Variants in TFEC observed in about 807,000 individuals in gnomAD.
The protein encoded by TFEC is class E basic helix-loop-helix protein 34.
Under a neutral mutation model 41.6 loss-of-function variants are expected in TFEC, and 31 were observed. The ratio of observed to expected loss-of-function variants is 0.74; its 90% confidence interval spans 0.56 to 1.01. TFEC has a LOEUF of 1.01. Ranked by LOEUF, TFEC falls within the 50% of genes least tolerant of loss-of-function variation. The probability of loss-of-function intolerance (pLI) is 0.00; values close to 1 mark genes in which losing one functional copy is unlikely to be tolerated. For missense variants in TFEC, 402 were observed against 404.1 expected, an observed-to-expected ratio of 0.99 and a Z score of 0.04; for synonymous variants, 143 against 140.6, an observed-to-expected ratio of 1.02 and a Z score of -0.12.
intron 1 of TFEC, among the ~76,000 whole-genome samples, chr7:116,000,007 A>G (rs917222555): frequency 6.6e-6 from 1 of 152,112 alleles, no homozygotes; most frequent in African/African-American, 2.4e-5. Context: ...CCAGACAAAG[A>G]CATATCAATA....
intron 1 of TFEC, among the ~76,000 whole-genome samples, chr7:116,132,228 C>A (rs1798347427): frequency 6.6e-6 from 1 of 152,138 alleles, no homozygotes; most frequent in East Asian, 1.9e-4. Flanking sequence ...CAAAATTACT[C>A]ATGGAAATCC....
chr7:115,988,143 T>C (rs1190071087), intron 1 of TFEC, among the ~76,000 whole-genome samples: 1 of 152,180 alleles, frequency 6.6e-6, no homozygotes, highest in African/African-American at 2.4e-5. Flanking sequence ...AAGTTTCTTT[T>C]ACATCCAGTA....
chr7:116,041,755 T>C (rs1796042530), intron 3 of TFEC, among the ~76,000 whole-genome samples: 1 of 152,194 alleles, frequency 6.6e-6, no homozygotes, highest in South Asian at 2.1e-4. Context: ...TTTATAATCC[T>C]TGTGATGCTC....
intron 3 of TFEC, among the ~76,000 whole-genome samples, chr7:116,076,549 T>A (rs1001180735): frequency 6.6e-6 from 1 of 151,716 alleles, no homozygotes; most frequent in Non-Finnish European, 1.5e-5. Flanking sequence ...AAGGGAAAAA[T>A]CTTCAGTGAA....
intron 1 of TFEC, among the ~76,000 whole-genome samples, chr7:116,112,608 G>C (rs900706578): frequency 4.1e-4 from 63 of 152,020 alleles, no homozygotes; most frequent in African/African-American, 1.2e-3. Context: ...AACTGGAAAG[G>C]GAAGATGTTT....
intron 2 of TFEC, among the ~76,000 whole-genome samples, chr7:115,978,763 C>T (rs1793496307): frequency 6.6e-6 from 1 of 151,906 alleles, no homozygotes; most frequent in Admixed American, 6.6e-5. Flanking sequence ...TGAATCACTC[C>T]CTCCTTCTCT....
intron 1 of TFEC, among the ~76,000 whole-genome samples, chr7:115,988,948 T>G (rs1793979188): frequency 6.6e-6 from 1 of 152,120 alleles, no homozygotes; most frequent in Admixed American, 6.5e-5. Context: ...AGAGAGGAAT[T>G]AAATACTTAA....
chr7:116,069,687 A>G (rs191800618), intron 3 of TFEC, among the ~76,000 whole-genome samples: 9 of 151,738 alleles, frequency 5.9e-5, no homozygotes, highest in Non-Finnish European at 1.5e-5. Flanking sequence ...TCAGTAGTTG[A>G]GCAATCTTCC....
intron 1 of TFEC, among the ~76,000 whole-genome samples, chr7:116,011,229 C>G (rs757724494): frequency 1.2e-4 from 18 of 152,030 alleles, no homozygotes; most frequent in Non-Finnish European, 7.4e-5. Context: ...TTGATAACTC[C>G]AAAACACATC....
At chr7:116,141,002 C>G (rs61487707) in intron 1 of TFEC, among the ~76,000 whole-genome samples, 55,105 of 151,996 alleles carry the variant, frequency 0.36, 10,219 homozygotes, top group East Asian at 0.59. Context: ...ATCAAGCCCT[C>G]TAGGAGACTT....
Position 115,980,703 on chromosome 7 carries a change from T to C in TFEC, c.180+3559A>G, listed in dbSNP as rs186779964. ...TGGTGGAAGTTACAGTGAGCCAAGA[T>C]TGTGCCACTGCACTCCAGCCTGGGC... On this transcript the variant is annotated intron_variant, in intron 2 of 7. Transcript: ENST00000265440. Among the ~76,000 whole-genome samples the C allele has an allele frequency of 6.5e-3, 993 of 152,150 alleles. 10 individuals are homozygous for C. Among genetic ancestry groups the C allele is most frequent in the Non-Finnish European group, 8.5e-3 (577 of 67,984 alleles).
chr7:116,148,814 A>T (rs947138128), intron 1 of TFEC, among the ~76,000 whole-genome samples: 1 of 152,104 alleles, frequency 6.6e-6, no homozygotes, highest in African/African-American at 2.4e-5. Flanking sequence ...TTTTCACTAT[A>T]GATGTAAATC....
chr7:116,159,019 TTG>T (rs1798923735), intron 1 of TFEC, among the ~76,000 whole-genome samples: 1 of 151,886 alleles, frequency 6.6e-6, no homozygotes, highest in African/African-American at 2.4e-5. Flanking sequence ...TTTGAATAAC[TTG>T]TGTTTTATAC....
intron 3 of TFEC, among the ~76,000 whole-genome samples, chr7:116,102,942 A>G (rs982132338): frequency 2.0e-5 from 3 of 152,190 alleles, no homozygotes; most frequent in Non-Finnish European, 2.9e-5. Flanking sequence ...AGTCAAAAGC[A>G]AAGAAATCCA....
At position 116,091,861 on chromosome 7, in the gene TFEC, T is replaced by TA. The variant is rs34479523; in HGVS notation, c.198+18846dup. ...GCCAAAAACAATTTGATAATTACGCTAAAAAAAAAAGGAAAAAGAAGTAGT... is the reference window on the plus strand; with the variant it reads ...GCCAAAAACAATTTGATAATTACGCTAAAAAAAAAAAGGAAAAAGAAGTAGT... On this transcript the variant is annotated intron_variant, in intron 3 of 8. Coordinates refer to the TFEC transcript ENST00000484212. Among the ~76,000 whole-genome samples the TA allele has an allele frequency of 2.2e-3, 325 of 147,050 alleles. 1 individual carries two copies. Among genetic ancestry groups the TA allele is most frequent in the Middle Eastern group, 0.014 (4 of 290 alleles).
chr7:115,939,154 T>C lies in TFEC; in HGVS notation c.*1397A>G, dbSNP rs931628747. 2.0e-5 allele frequency: 3 copies of C among 152,020 alleles called. No homozygotes were observed. The highest frequency in any genetic ancestry group is 6.6e-5 in the Admixed American group (1 of 15,244). The allele number at this position is 152,020 out of a possible 1,614,324, so 9.4% of individuals were successfully genotyped here. A position where few individuals can be genotyped will look rare whatever the true frequency, so the allele number is the denominator to read the frequency against. Reference sequence around the variant, plus strand: ...ATATGTCTTCTATCTTTTGTTTTTGTTTTTCATGCATTCTCATTAACTACC... The same window carrying C: ...ATATGTCTTCTATCTTTTGTTTTTGCTTTTCATGCATTCTCATTAACTACC... On this transcript the variant is annotated 3_prime_UTR_variant, in exon 8 of 8. Transcript: ENST00000265440.
chr7:115,969,418 T>A (rs2130563645), intron 3 of TFEC, among the ~76,000 whole-genome samples: 1 of 152,024 alleles, frequency 6.6e-6, no homozygotes, highest in East Asian at 1.9e-4. Context: ...GAAAGGCCCC[T>A]TTGACAAGCT....
At chr7:115,941,104 A>T in intron 7 of TFEC, 173 bp from the exon 8 acceptor site, 1 of 663,358 alleles carries the variant, frequency 1.5e-6, no homozygotes, top group Non-Finnish European at 2.4e-6. Flanking sequence ...CTGATGCATG[A>T]AAAATAACTC....
intron 4 of TFEC, among the ~76,000 whole-genome samples, chr7:115,955,133 A>G (rs1792154448): frequency 6.6e-6 from 1 of 152,056 alleles, no homozygotes. Flanking sequence ...TATCCATATG[A>G]AACACTTCCA....
Sources: gnomAD v4.1 joint callset for allele counts (sites outside exome capture counted in the v4.1 genomes callset) on GRCh38, gnomAD v4.1.1 for gene constraint, MANE v1.5 for transcripts, NCBI Gene and HGNC (gene_info 2026-07-23, HGNC 2026-07-21) for gene names.